NBAS: variants seen among roughly 807,000 people sequenced by gnomAD.
NBAS encodes the protein NAG/BC035112 fusion.
In NBAS, 219 loss-of-function variants were observed where a neutral mutation model predicts 302.5. The observed-to-expected ratio is 0.72, with a 90% CI of 0.65 to 0.81. The LOEUF is 0.81. NBAS is among the 30% of genes least tolerant of loss of function. The pLI is 0.00. For synonymous variants in NBAS, 1,118 were observed against 1,021.6 expected (o/e 1.09, Z -1.80); for missense variants, 2,932 against 2,841.6 (o/e 1.03, Z -0.72).
the NBAS span, among the ~76,000 whole-genome samples, chr2:14,792,750 T>C: frequency 6.6e-6 from 1 of 151,334 alleles, no homozygotes; most frequent in South Asian, 2.1e-4. Context: ...AATTAAAAAA[T>C]CATCCATTAT....
intron 31 of NBAS, among the ~76,000 whole-genome samples, chr2:15,369,144 G>A (rs1203950414): frequency 6.6e-6 from 1 of 152,084 alleles, no homozygotes; most frequent in Non-Finnish European, 1.5e-5. Flanking sequence ...AACAAAATTT[G>A]TTGCAGATAT....
intron 44 of NBAS, among the ~76,000 whole-genome samples, chr2:15,273,492 T>A (rs1255991261): frequency 6.6e-6 from 1 of 152,224 alleles, no homozygotes; most frequent in South Asian, 2.1e-4. Flanking sequence ...CACAGTTCAA[T>A]GGTTAAGAGA....
At chr2:15,294,912 C>G (rs1670477560) in intron 40 of NBAS, among the ~76,000 whole-genome samples, 1 of 152,140 alleles carries the variant, frequency 6.6e-6, no homozygotes, top group African/African-American at 2.4e-5. Flanking sequence ...CCTGAACTTG[C>G]TGAATATACC....
chr2:15,033,090 C>T, the NBAS span, among the ~76,000 whole-genome samples: 1 of 152,214 alleles, frequency 6.6e-6, no homozygotes, highest in African/African-American at 2.4e-5. Context: ...AGGACCACCA[C>T]CCCAGTGGGT....
chr2:15,279,796 C>T (rs765868165), intron 42 of NBAS, among the ~76,000 whole-genome samples: 1 of 152,104 alleles, frequency 6.6e-6, no homozygotes, highest in Non-Finnish European at 1.5e-5. Flanking sequence ...TTTATAGATG[C>T]TAGTAATCAA....
the NBAS span, among the ~76,000 whole-genome samples, chr2:14,819,764 C>A: frequency 6.6e-6 from 1 of 152,162 alleles, no homozygotes; most frequent in Non-Finnish European, 1.5e-5. Flanking sequence ...AACTACCTAT[C>A]TGACAAGAAA....
chr2:14,843,832 T>C, the NBAS span, among the ~76,000 whole-genome samples: 1 of 152,110 alleles, frequency 6.6e-6, no homozygotes, highest in South Asian at 2.1e-4. Flanking sequence ...AGCAAAACCA[T>C]ACTGAACTCA....
chr2:15,519,709 T>C (rs1662571152), intron 9 of NBAS, among the ~76,000 whole-genome samples: 1 of 152,182 alleles, frequency 6.6e-6, no homozygotes, highest in Non-Finnish European at 1.5e-5. Context: ...CCTCCCAAAG[T>C]GCTGGGATTA....
chr2:15,442,879 AT>A lies in NBAS; in HGVS notation c.2340-15086del, dbSNP rs1236607835. Among the ~76,000 whole-genome samples, 11 of 152,238 alleles carry A rather than the reference AT, an allele frequency of 7.2e-5. 1 individual carries two copies. The South Asian group carries it at 1.5e-3, about 20-fold the overall frequency. ...ATCAGAGAATACTACAAACACCTCT[AT>A]GCAAATAAACTAGAAAATCTAGAAG... is the stretch of plus-strand genomic sequence containing the variant. On this transcript the variant is annotated intron_variant, in intron 21 of 51. Transcript: ENST00000281513.
chr2:14,846,440 GAA>G, the NBAS span, among the ~76,000 whole-genome samples: 2 of 101,752 alleles, frequency 2.0e-5, no homozygotes, highest in Admixed American at 1.1e-4. Flanking sequence ...ACTTCAATTA[GAA>G]AAAAAAAAAA....
chr2:14,865,772 C>T, the NBAS span, among the ~76,000 whole-genome samples: 4 of 151,544 alleles, frequency 2.6e-5, no homozygotes, highest in Non-Finnish European at 5.9e-5. Flanking sequence ...TATGAGATTG[C>T]ATTTTATCCT....
the NBAS span, among the ~76,000 whole-genome samples, chr2:15,083,153 T>C: frequency 6.6e-6 from 1 of 152,210 alleles, no homozygotes; most frequent in Non-Finnish European, 1.5e-5. Context: ...GACAGCAACT[T>C]GCCCAGTACC....
At chr2:15,079,549 A>G in the NBAS span, among the ~76,000 whole-genome samples, 1 of 152,076 alleles carries the variant, frequency 6.6e-6, no homozygotes, top group East Asian at 1.9e-4. Context: ...TGCTAACCCA[A>G]ACCTCTTGCC....
At chr2:15,292,836 G>C in intron 40 of NBAS, 70 bp from the exon 41 acceptor site, 1 of 1,414,080 alleles carries the variant, frequency 7.1e-7, no homozygotes, top group Non-Finnish European at 9.9e-7. Flanking sequence ...GTAACAAATG[G>C]AAGAAGACCA....
intron 25 of NBAS, among the ~76,000 whole-genome samples, chr2:15,413,292 A>C (rs2148454274): frequency 6.6e-6 from 1 of 152,324 alleles, no homozygotes; most frequent in Non-Finnish European, 1.5e-5. Flanking sequence ...ATTTGCTGAC[A>C]TTTGCTCTCT....
rs772499559 is a variant in NBAS at position 15,275,792 on chromosome 2, C to T, written c.5416G>A (p.Glu1806Lys). ...AATGCTTCAAGAGGACTCATGTTTT[C>T]ATCTGTCAGCTTTTTGTAATTAAGA... ...SGLNYKKLTD[E>K]NMSPLEALEP... The change falls in exon 44 of 52, where the codon GAA (glutamate) becomes AAA (lysine). Residue 1806 changes from glutamate (E) to lysine (K), a missense_variant. Coordinates refer to ENST00000281513, the MANE Select transcript of NBAS (RefSeq NM_015909.4). The T allele has an allele frequency of 1.2e-6, 2 of 1,613,720 alleles. No homozygotes were observed. Among genetic ancestry groups the T allele is most frequent in the Non-Finnish European group, 1.7e-6 (2 of 1,179,984 alleles).
At chr2:15,213,952 A>T (rs1368813836) in intron 48 of NBAS, among the ~76,000 whole-genome samples, 2 of 152,238 alleles carry the variant, frequency 1.3e-5, no homozygotes, top group Non-Finnish European at 2.9e-5. Flanking sequence ...ATGCTGTGAC[A>T]TGAGAAGCAA....
At chr2:14,807,703 T>C in the NBAS span, among the ~76,000 whole-genome samples, 1 of 152,206 alleles carries the variant, frequency 6.6e-6, no homozygotes, top group Non-Finnish European at 1.5e-5. Flanking sequence ...GGCAAAGTGA[T>C]GCATCTATTT....
At chr2:14,978,251 A>G in the NBAS span, among the ~76,000 whole-genome samples, 1 of 152,174 alleles carries the variant, frequency 6.6e-6, no homozygotes. Flanking sequence ...CTACTATGGA[A>G]TTTTTTAAAC....
Sources: allele counts gnomAD v4.1 joint callset (sites outside exome capture counted in the v4.1 genomes callset), GRCh38; gene constraint gnomAD v4.1.1; transcripts MANE v1.5; gene names NCBI Gene and HGNC (gene_info 2026-07-23, HGNC 2026-07-21).